DEAF1: variants seen among roughly 807,000 people sequenced by gnomAD.
DEAF1 encodes deformed epidermal autoregulatory factor 1 homolog.
A neutral mutation model predicts 58.9 loss-of-function variants in DEAF1; 53 were observed. The observed-to-expected ratio is 0.90, with a 90% confidence interval of 0.72 to 1.13. DEAF1 has a LOEUF of 1.13. DEAF1 is among the 50% of genes most tolerant of loss of function. The pLI is 0.00. For missense variants in DEAF1, 685 were observed against 791.4 expected (o/e 0.87, Z 1.61); for synonymous variants, 385 against 340.4 (o/e 1.13, Z -1.44).
chr11:704,476 C>T, intron 1 of DEAF1: 1 of 1,289,360 alleles, frequency 7.8e-7, no homozygotes, highest in Non-Finnish European at 1.0e-6. Context: ...CCCTGAGGAC[C>T]CACTTCACAC....
At chr11:663,191 A>C (rs1442833839) in intron 10 of DEAF1, among the ~76,000 whole-genome samples, 1 of 152,238 alleles carries the variant, frequency 6.6e-6, no homozygotes, top group Non-Finnish European at 1.5e-5. Flanking sequence ...TTACGTCTGT[A>C]ATCCCAGCAC....
In DEAF1 at chr11:688,024, C is replaced by T. The variant is rs1440581474; in HGVS notation, c.551G>A (p.Gly184Asp). 6.2e-7 allele frequency: 1 copy of T among 1,613,886 alleles called. No homozygotes were observed. Among genetic ancestry groups the T allele is most frequent in the African/African-American group, 1.3e-5 (1 of 74,888 alleles). The change falls in exon 4 of 12, where the codon GGC becomes GAC. Residue 184 changes from glycine (G) to aspartate (D), a missense_variant. Transcript: ENST00000382409. The surrounding 1 kb of genome is among the most constrained non-coding windows in gnomAD (Gnocchi z 4.3). ...GTATTTAGTTCCACCTTTTTCTTGG[C>T]CGGGAGCCAGAGGGGTTGGAGGAGA... ...PQSPPTPLAP[G>D]QEKGGTKYNW...
intron 10 of DEAF1, among the ~76,000 whole-genome samples, chr11:662,752 C>T (rs1465101575): frequency 2.0e-5 from 3 of 152,176 alleles, no homozygotes; most frequent in Non-Finnish European, 4.4e-5. Flanking sequence ...GGGTGCTGTA[C>T]CATGATGGCA....
intron 10 of DEAF1, among the ~76,000 whole-genome samples, chr11:661,211 C>A (rs1859304789): frequency 6.6e-6 from 1 of 152,130 alleles, no homozygotes; most frequent in South Asian, 2.1e-4. Context: ...GGGGCCAGGG[C>A]AGTGAGTCCA....
At chr11:689,202 CTTT>C (rs34046317) in intron 2 of DEAF1, among the ~76,000 whole-genome samples, 1,097 of 94,186 alleles carry the variant, frequency 0.012, 12 homozygotes, top group African/African-American at 0.041. Flanking sequence ...TTTTCTTTTT[CTTT>C]TTTTTTTTTT....
At chr11:658,853 A>G (rs72844741) in intron 10 of DEAF1, among the ~76,000 whole-genome samples, 490 of 152,376 alleles carry the variant, frequency 3.2e-3, no homozygotes, top group Admixed American at 6.2e-3. Context: ...ACTTTTGGCA[A>G]TGCAATAGCT....
intron 11 of DEAF1, among the ~76,000 whole-genome samples, chr11:652,954 CAT>C (rs1178237036): frequency 6.6e-6 from 1 of 151,136 alleles, no homozygotes; most frequent in Admixed American, 6.6e-5. Flanking sequence ...TATGGTGGCG[CAT>C]GCCTGTAATC....
At chr11:687,393 C>G (rs1004217746) in intron 4 of DEAF1, among the ~76,000 whole-genome samples, 7 of 152,240 alleles carry the variant, frequency 4.6e-5, no homozygotes, top group Non-Finnish European at 1.0e-4. Flanking sequence ...CTTTTCACCC[C>G]CAGATGGTTC....
upstream of DEAF1, among the ~76,000 whole-genome samples, chr11:697,121 C>T (rs1293071905): frequency 1.5e-5 from 2 of 136,038 alleles, no homozygotes; most frequent in African/African-American, 2.7e-5. Context: ...AAAATTACCT[C>T]AGGGAGCCTG....
In DEAF1 at chr11:644,899, A is replaced by G. The variant is rs1858412519; in HGVS notation, c.1594-245T>C. On this transcript the variant is annotated intron_variant, in intron 11 of 11. Transcript: ENST00000382409. This position sits in a 1 kb window ranked among gnomAD's most constrained non-coding sequence, Gnocchi z 4.3. Reference sequence around the variant, plus strand: ...AACAACAGGCAGGGCACGGTGGCTCACGCCTGTAATCCCAACACTTTGGGA... The same window carrying G: ...AACAACAGGCAGGGCACGGTGGCTCGCGCCTGTAATCCCAACACTTTGGGA... Among the ~76,000 whole-genome samples the G allele has an allele frequency of 6.6e-6, 1 of 152,198 alleles. No homozygotes were observed. Among genetic ancestry groups the G allele is most frequent in the Non-Finnish European group, 1.5e-5 (1 of 68,040 alleles).
chr11:679,500 C>T (rs1374337247), intron 8 of DEAF1, among the ~76,000 whole-genome samples, 188 bp downstream of exon 8: 2 of 152,192 alleles, frequency 1.3e-5, no homozygotes, highest in African/African-American at 2.4e-5. Flanking sequence ...CACTGCCACA[C>T]GCCAACCCCA....
chr11:679,631 G>A (rs1860251280), intron 8 of DEAF1, 57 bp downstream of exon 8: 1 of 1,602,642 alleles, frequency 6.2e-7, no homozygotes, highest in African/African-American at 1.3e-5. Context: ...TCGGGGATGT[G>A]ATGTCACAGA....
chr11:661,721 A>G (rs1206174946), intron 10 of DEAF1, among the ~76,000 whole-genome samples: 3 of 152,058 alleles, frequency 2.0e-5, no homozygotes, highest in African/African-American at 2.4e-5. Flanking sequence ...CAAAACAAAC[A>G]TTCCAGATAC....
At chr11:701,381 T>TTTG (rs1564962705) in intron 1 of DEAF1, among the ~76,000 whole-genome samples, 8 of 150,376 alleles carry the variant, frequency 5.3e-5, no homozygotes, top group African/African-American at 1.7e-4. Flanking sequence ...TTTTGTTTTT[T>TTTG]TTTGGTAGAG....
At chr11:664,029 A>G (rs907454141) in intron 10 of DEAF1, among the ~76,000 whole-genome samples, 3 of 152,124 alleles carry the variant, frequency 2.0e-5, no homozygotes, top group Non-Finnish European at 2.9e-5. Context: ...CCTGACCAAC[A>G]TGAAGAAACC....
At position 663,022 on chromosome 11, in the gene DEAF1, T is replaced by C. The variant is rs945655714; in HGVS notation, c.1504-8971A>G. Among the ~76,000 whole-genome samples the C allele has an allele frequency of 7.2e-5, 11 of 152,346 alleles. 1 individual carries two copies. Among genetic ancestry groups the C allele is most frequent in the Admixed American group, 3.9e-4 (6 of 15,310 alleles). ...GGGATGATATTTGGCTTTTTACTAC[T>C]GGCCTGGGGGCCAGAAGCAGGGGCT... On this transcript the variant is annotated intron_variant, in intron 10 of 11. Coordinates refer to ENST00000382409, the MANE Select transcript of DEAF1 (RefSeq NM_021008.4).
chr11:701,681 T>C (rs1016795289), intron 1 of DEAF1, among the ~76,000 whole-genome samples: 9 of 152,038 alleles, frequency 5.9e-5, no homozygotes, highest in Admixed American at 6.6e-5. Flanking sequence ...AGTGCTGGGA[T>C]TACAGGCGTG....
upstream of DEAF1, among the ~76,000 whole-genome samples, chr11:697,194 C>T (rs1590032547): frequency 6.6e-6 from 1 of 151,236 alleles, no homozygotes; most frequent in Non-Finnish European, 1.5e-5. Flanking sequence ...GTTGAGACTG[C>T]AGTGAGCTGT....
Position 704,672 on chromosome 11 carries a change from C to T in DEAF1, c.-438+1900G>A, listed in dbSNP as rs151212521. 9.4e-4 allele frequency: 1,209 copies of T among 1,283,758 alleles called. 7 individuals are homozygous for T. Among genetic ancestry groups the T allele is most frequent in the South Asian group, 1.5e-3 (123 of 80,796 alleles). The allele number at this position is 1,283,758 out of a possible 1,614,324, so 79.5% of individuals were successfully genotyped here. ...TGGATCCTGATACCTCCAGTCTCAG[C>T]GAGCACACAAAGGCAGTGGTCACCT... is the stretch of plus-strand genomic sequence containing the variant. On this transcript the variant is annotated intron_variant, in intron 1 of 11. Coordinates refer to the DEAF1 transcript ENST00000683307.
Sources: gnomAD v4.1 joint callset for allele counts (sites outside exome capture counted in the v4.1 genomes callset) on GRCh38, gnomAD v4.1.1 for gene constraint, Gnocchi (gnomAD v3.1) non-coding constraint, MANE v1.5 for transcripts, NCBI Gene and HGNC (gene_info 2026-07-23, HGNC 2026-07-21) for gene names.